NLK: variants seen among roughly 807,000 people sequenced by gnomAD.
The protein encoded by NLK is serine/threonine-protein kinase NLK.
NLK carries 11 observed loss-of-function variants against 59.0 expected under a neutral mutation model. That is an observed-to-expected ratio of 0.19 (90% confidence interval 0.12 to 0.31). NLK has a LOEUF of 0.31. Among genes scored for constraint, NLK ranks in the 10% least tolerant of loss-of-function variants. The pLI, the probability that NLK is intolerant of heterozygous loss-of-function variation, is 1.00. For synonymous variants in NLK, 235 were observed against 235.9 expected (o/e 1.00, Z 0.03); for missense variants, 410 against 661.1 (o/e 0.62, Z 4.16).
intron 1 of NLK, among the ~76,000 whole-genome samples, chr17:28,080,187 C>T (rs1910299852): frequency 6.6e-6 from 1 of 152,158 alleles, no homozygotes. Context: ...CACCGTCGCT[C>T]ATGTCTGTAA....
intron 3 of NLK, among the ~76,000 whole-genome samples, chr17:28,156,006 A>G (rs539357553): frequency 6.6e-6 from 1 of 152,288 alleles, no homozygotes; most frequent in South Asian, 2.1e-4. Context: ...AAAATGTTCT[A>G]AATTCACCCA....
rs114017867 is a variant in NLK, at chr17:28,183,714, G to T, written c.1150-1465G>T. Among the ~76,000 whole-genome samples the T allele has an allele frequency of 2.5e-3, 379 of 152,174 alleles. 5 individuals are homozygous for T. Among genetic ancestry groups the T allele is most frequent in the African/African-American group, 8.5e-3 (351 of 41,518 alleles). ...TCTGACCACAGAAAGGTTATAAGTA[G>T]ACGGCAGGTCTAAAACCCATTAGGA... On this transcript the variant is annotated intron_variant, in intron 7 of 10. Coordinates refer to ENST00000407008, the MANE Select transcript of NLK (RefSeq NM_016231.5).
At chr17:28,107,279 A>G (rs991294263) in intron 1 of NLK, among the ~76,000 whole-genome samples, 1 of 152,070 alleles carries the variant, frequency 6.6e-6, no homozygotes, top group African/African-American at 2.4e-5. Context: ...TACTAAAAAT[A>G]CAAAAATTAG....
intron 1 of NLK, among the ~76,000 whole-genome samples, chr17:28,070,353 A>AT (rs1478543765): frequency 6.7e-6 from 1 of 149,046 alleles, no homozygotes; most frequent in Non-Finnish European, 1.5e-5. Flanking sequence ...ATCTGAAATT[A>AT]ATTTTTTTTT....
chr17:28,198,427 G>A (rs750363441), downstream of NLK, among the ~76,000 whole-genome samples: 6 of 152,132 alleles, frequency 3.9e-5, no homozygotes, highest in Admixed American at 6.5e-5. Context: ...AGGCTCAAGC[G>A]ATTCTCCTGC....
At chr17:28,043,515 G>C (rs988489610) in intron 1 of NLK, among the ~76,000 whole-genome samples, 184 bp downstream of exon 1, 7 of 152,206 alleles carry the variant, frequency 4.6e-5, no homozygotes, top group African/African-American at 1.7e-4. Context: ...TAGGCTCATG[G>C]CAAGTTTTGG....
At chr17:28,135,176 T>G (rs1003695645) in intron 3 of NLK, among the ~76,000 whole-genome samples, 4 of 152,210 alleles carry the variant, frequency 2.6e-5, no homozygotes, top group Admixed American at 2.6e-4. Context: ...ACCTTAAAAT[T>G]AGAAGAAATT....
At chr17:28,123,806 G>A (rs1470166645) in intron 2 of NLK, among the ~76,000 whole-genome samples, 3 of 152,142 alleles carry the variant, frequency 2.0e-5, no homozygotes, top group Non-Finnish European at 4.4e-5. Flanking sequence ...TTTGATACAT[G>A]TAAAATTTAC....
chr17:28,084,549 A>G (rs530107647), intron 1 of NLK, among the ~76,000 whole-genome samples: 13 of 151,540 alleles, frequency 8.6e-5, no homozygotes, highest in Admixed American at 6.6e-4. Flanking sequence ...GGGGCTGTAC[A>G]TTCTGTCCCA....
intron 1 of NLK, among the ~76,000 whole-genome samples, chr17:28,096,731 T>C (rs979947184): frequency 2.0e-5 from 3 of 152,182 alleles, no homozygotes; most frequent in African/African-American, 7.2e-5. Flanking sequence ...GGAAAAAGAA[T>C]TTTTCAACAT....
intron 1 of NLK, among the ~76,000 whole-genome samples, chr17:28,097,255 T>C (rs1904736242): frequency 6.6e-6 from 1 of 152,328 alleles, no homozygotes; most frequent in Admixed American, 6.5e-5. Context: ...TAGAAATTTT[T>C]AAATTATACT....
At chr17:28,123,744 A>T (rs1906172170) in intron 2 of NLK, among the ~76,000 whole-genome samples, 1 of 152,190 alleles carries the variant, frequency 6.6e-6, no homozygotes, top group Non-Finnish European at 1.5e-5. Flanking sequence ...CTTATAGACA[A>T]ATAGACTCGT....
chr17:28,068,065 C>T (rs957262028), intron 1 of NLK, among the ~76,000 whole-genome samples: 3 of 150,064 alleles, frequency 2.0e-5, no homozygotes, highest in South Asian at 2.1e-4. Flanking sequence ...TGCTTGAAGC[C>T]GAGAGGTGGA....
At chr17:28,120,347 A>G (rs1402710074) in intron 1 of NLK, among the ~76,000 whole-genome samples, 1 of 151,566 alleles carries the variant, frequency 6.6e-6, no homozygotes, top group Non-Finnish European at 1.5e-5. Flanking sequence ...GCCTCAAGTG[A>G]TCCTCCTGTC....
intron 1 of NLK, among the ~76,000 whole-genome samples, chr17:28,091,334 A>C (rs1052777486): frequency 1.2e-4 from 19 of 152,142 alleles, no homozygotes; most frequent in Admixed American, 3.3e-4. Flanking sequence ...TTAAAGATGC[A>C]GTCTTTGGAT....
intron 2 of NLK, among the ~76,000 whole-genome samples, chr17:28,129,934 A>G (rs1329644069): frequency 6.6e-6 from 1 of 152,210 alleles, no homozygotes; most frequent in East Asian, 1.9e-4. Flanking sequence ...AGCTAACATA[A>G]TGAGCTTTTG....
At chr17:28,081,575 CTCTT>C (rs762621118) in intron 1 of NLK, among the ~76,000 whole-genome samples, 2 of 152,118 alleles carry the variant, frequency 1.3e-5, no homozygotes, top group Non-Finnish European at 2.9e-5. Flanking sequence ...GGAAGAAAGT[CTCTT>C]TCATTGTGGG....
At chr17:28,202,687 C>CTTTTTTTTTTT in the NLK span, among the ~76,000 whole-genome samples, 1 of 133,428 alleles carries the variant, frequency 7.5e-6, no homozygotes, top group Non-Finnish European at 1.6e-5. Flanking sequence ...TCTTTTTTTT[C>CTTTTTTTTTTT]TTTTTTTTTT....
chr17:28,084,155 C>T (rs1046338097), intron 1 of NLK, among the ~76,000 whole-genome samples: 20 of 152,134 alleles, frequency 1.3e-4, no homozygotes, highest in African/African-American at 2.9e-4. Flanking sequence ...TTAATAGTTG[C>T]GTGACTATGA....
Sources: allele counts gnomAD v4.1 joint callset (sites outside exome capture counted in the v4.1 genomes callset), GRCh38; gene constraint gnomAD v4.1.1; transcripts MANE v1.5; gene names NCBI Gene and HGNC (gene_info 2026-07-23, HGNC 2026-07-21).